Variants in IMPG1 observed in about 807,000 individuals in gnomAD.
The protein encoded by IMPG1 is interphotoreceptor matrix proteoglycan 1.
IMPG1 carries 85 observed loss-of-function variants against 92.0 expected under a neutral mutation model. That is an observed-to-expected ratio of 0.92 (90% confidence interval 0.78 to 1.11). The LOEUF is 1.11. Among genes scored for constraint, IMPG1 ranks in the 50% least tolerant of loss-of-function variants. IMPG1 has a pLI of 0.00. For synonymous variants in IMPG1, 367 were observed against 334.1 expected, an observed-to-expected ratio of 1.10 and a Z score of -1.08; for missense variants, 1,022 against 956.0, an observed-to-expected ratio of 1.07 and a Z score of -0.91.
At chr6:76,053,770 T>A (rs1784078925) in intron 1 of IMPG1, among the ~76,000 whole-genome samples, 1 of 152,144 alleles carries the variant, frequency 6.6e-6, no homozygotes, top group Non-Finnish European at 1.5e-5. Context: ...TGTCCATGAT[T>A]ATAATTTTAC....
intron 15 of IMPG1, among the ~76,000 whole-genome samples, chr6:75,927,569 C>T (rs890552100): frequency 6.6e-6 from 1 of 152,104 alleles, no homozygotes; most frequent in Non-Finnish European, 1.5e-5. Flanking sequence ...TCTGAAGTAG[C>T]TCATAGGGGC....
chr6:76,057,211 T>A (rs1340443834), intron 1 of IMPG1, among the ~76,000 whole-genome samples: 1 of 152,114 alleles, frequency 6.6e-6, no homozygotes, highest in Non-Finnish European at 1.5e-5. Context: ...ACCTAGGTGA[T>A]GGGATGATCT....
At chr6:75,976,760 G>A (rs907811117) in intron 12 of IMPG1, among the ~76,000 whole-genome samples, 1 of 151,318 alleles carries the variant, frequency 6.6e-6, no homozygotes, top group Non-Finnish European at 1.5e-5. Context: ...AAAATACAAA[G>A]AACTAGCCGG....
intron 12 of IMPG1, among the ~76,000 whole-genome samples, chr6:75,974,378 T>TC (rs1562354636): frequency 2.1e-4 from 24 of 112,942 alleles, no homozygotes; most frequent in African/African-American, 6.7e-4. Flanking sequence ...TTTCTTTCTT[T>TC]CTTTCTTTCT....
chr6:76,022,336 C>T (rs111658437), intron 5 of IMPG1, 117 bp from the exon 6 acceptor site: 3 of 486,874 alleles, frequency 6.2e-6, no homozygotes, highest in African/African-American at 2.0e-5. Context: ...ATATTAGGTG[C>T]CTTCTGAACT....
chr6:75,974,335 CTTTCTT>C (rs1782475430), intron 12 of IMPG1, among the ~76,000 whole-genome samples: 2 of 41,026 alleles, frequency 4.9e-5, no homozygotes, highest in African/African-American at 1.1e-4. Flanking sequence ...CTTTCCCTTT[CTTTCTT>C]TCTTTCTTTC....
intron 4 of IMPG1, among the ~76,000 whole-genome samples, chr6:76,028,059 C>T (rs1175839254): frequency 6.6e-6 from 1 of 152,140 alleles, no homozygotes; most frequent in Non-Finnish European, 1.5e-5. Flanking sequence ...TAGTTCATAT[C>T]TTGGTAAATA....
At chr6:75,970,251 G>A (rs1047032217) in intron 12 of IMPG1, among the ~76,000 whole-genome samples, 5 of 151,918 alleles carry the variant, frequency 3.3e-5, no homozygotes, top group South Asian at 2.1e-4. Flanking sequence ...ATTAAAATGC[G>A]TAATTAAGAG....
intron 7 of IMPG1, among the ~76,000 whole-genome samples, chr6:76,012,264 G>A (rs369662015): frequency 6.6e-6 from 1 of 152,038 alleles, no homozygotes; most frequent in Non-Finnish European, 1.5e-5. Context: ...TTCTCTCCAG[G>A]CCACTGTCTC....
intron 12 of IMPG1, among the ~76,000 whole-genome samples, chr6:75,968,454 C>G (rs960983373): frequency 6.6e-6 from 1 of 151,254 alleles, no homozygotes; most frequent in Non-Finnish European, 1.5e-5. Flanking sequence ...AAAAATTCTA[C>G]TTTTGTGAAG....
chr6:76,038,407 G>A (rs978103154), intron 2 of IMPG1, among the ~76,000 whole-genome samples: 4 of 152,152 alleles, frequency 2.6e-5, no homozygotes, highest in Non-Finnish European at 5.9e-5. Context: ...TGAGGGGCAG[G>A]CTTTCTTTTT....
chr6:76,041,823 A>G, intron 2 of IMPG1, 70 bp downstream of exon 2: 2 of 1,027,170 alleles, frequency 1.9e-6, no homozygotes, highest in South Asian at 1.4e-5. Flanking sequence ...GGCTAAAGAC[A>G]ACCTATGGAT....
intron 14 of IMPG1, among the ~76,000 whole-genome samples, chr6:75,931,917 A>G (rs568913058): frequency 1.3e-5 from 2 of 152,312 alleles, no homozygotes; most frequent in Admixed American, 6.5e-5. Flanking sequence ...ATCCTTATAG[A>G]GCTGAGCACA....
intron 15 of IMPG1, among the ~76,000 whole-genome samples, chr6:75,929,727 G>A (rs928732744): frequency 3.9e-4 from 59 of 150,720 alleles, no homozygotes; most frequent in African/African-American, 1.3e-3. Context: ...AAAGAAAAAC[G>A]GGAAATAAAA....
At chr6:76,065,069 G>A (rs1405395042) in intron 1 of IMPG1, among the ~76,000 whole-genome samples, 4 of 151,784 alleles carry the variant, frequency 2.6e-5, no homozygotes, top group Admixed American at 6.6e-5. Context: ...ATACATTATA[G>A]TTACATCCTG....
intron 14 of IMPG1, among the ~76,000 whole-genome samples, chr6:75,933,648 T>C (rs913990556): frequency 2.0e-5 from 3 of 152,204 alleles, no homozygotes; most frequent in African/African-American, 7.2e-5. Flanking sequence ...CCGGGCCTAG[T>C]CTACTAGCAT....
intron 15 of IMPG1, among the ~76,000 whole-genome samples, chr6:75,924,955 A>G (rs1219101319): frequency 2.7e-5 from 4 of 150,578 alleles, no homozygotes; most frequent in African/African-American, 9.8e-5. Context: ...AACAGTAGTT[A>G]CCAGAGACTG....
At chr6:75,990,590 C>CACAA (rs1260384670) in intron 12 of IMPG1, among the ~76,000 whole-genome samples, 1 of 144,306 alleles carries the variant, frequency 6.9e-6, no homozygotes, top group African/African-American at 2.5e-5. Context: ...CCCACCTCTA[C>CACAA]ACACACACAC....
intron 1 of IMPG1, among the ~76,000 whole-genome samples, chr6:76,045,462 G>A (rs62431332): frequency 3.0e-5 from 2 of 66,004 alleles, no homozygotes; most frequent in South Asian, 5.3e-4. Flanking sequence ...TTTTTTTTTG[G>A]TATAACACAA....
Sources: allele counts gnomAD v4.1 joint callset (sites outside exome capture counted in the v4.1 genomes callset), GRCh38; gene constraint gnomAD v4.1.1; transcripts MANE v1.5; gene names NCBI Gene and HGNC (gene_info 2026-07-23, HGNC 2026-07-21).